The following CST3 variants were observed in gnomAD, a reference collection of about 807,000 sequenced individuals.
The protein encoded by CST3 is cystatin C.
Under a neutral mutation model 9.0 loss-of-function variants are expected in CST3, and 14 were observed. The observed-to-expected ratio is 1.56, with a 90% CI of 1.03 to 2.44. CST3 has a LOEUF of 2.44. Ranked by LOEUF, CST3 falls within the 30% of genes most tolerant of loss-of-function variation. The pLI is 0.00. For synonymous variants in CST3, 96 were observed against 90.2 expected, an observed-to-expected ratio of 1.06 and a Z score of -0.37; for missense variants, 237 against 204.3, an observed-to-expected ratio of 1.16 and a Z score of -0.98.
chr20:23,628,402 AT>A (rs1349758272), exon 4 of CST3: 1 of 152,162 alleles, frequency 6.6e-6, no homozygotes, highest in Non-Finnish European at 1.5e-5. Flanking sequence ...TTTTTCAGTC[AT>A]GGTGACATCT....
chr20:23,628,124 G>A (rs1302975459), exon 4 of CST3: 1 of 151,844 alleles, frequency 6.6e-6, no homozygotes, highest in Non-Finnish European at 1.5e-5. Context: ...TGGCCTATTT[G>A]AGGGTTTCCT....
downstream of CST3, among the ~76,000 whole-genome samples, chr20:23,632,769 A>T (rs1296083640): frequency 2.0e-5 from 3 of 152,192 alleles, no homozygotes; most frequent in Non-Finnish European, 4.4e-5. Context: ...CCCTGTCCTA[A>T]AATGGCAAAG....
At chr20:23,636,935 C>A (rs1156313347) in intron 1 of CST3, among the ~76,000 whole-genome samples, 1 of 152,152 alleles carries the variant, frequency 6.6e-6, no homozygotes, top group Non-Finnish European at 1.5e-5. Context: ...TGATTATGTG[C>A]GATATTGCCC....
downstream of CST3, among the ~76,000 whole-genome samples, chr20:23,631,641 C>T (rs114637929): frequency 3.4e-3 from 520 of 152,332 alleles, 3 homozygotes; most frequent in African/African-American, 0.012. Context: ...CCAGCCTGAC[C>T]GTCCTGGGGA....
At chr20:23,636,075 G>A (rs1269573130) in intron 1 of CST3, among the ~76,000 whole-genome samples, 1 of 152,096 alleles carries the variant, frequency 6.6e-6, no homozygotes, top group Non-Finnish European at 1.5e-5. Flanking sequence ...TGATCCCTCT[G>A]GTGTCAGTCT....
At chr20:23,634,590 G>C (rs1979587964) in intron 2 of CST3, among the ~76,000 whole-genome samples, 1 of 152,052 alleles carries the variant, frequency 6.6e-6, no homozygotes, top group Non-Finnish European at 1.5e-5. Context: ...CATGGCCGTG[G>C]CTGTGGGCAG....
intron 2 of CST3, 45 bp downstream of exon 2, chr20:23,635,209 C>T (rs1415383415): frequency 6.2e-6 from 9 of 1,462,680 alleles, no homozygotes; most frequent in Non-Finnish European, 3.8e-6. Context: ...CACACACACC[C>T]CTCTGCAGTG....
chr20:23,637,147 G>A (rs1274123223), intron 1 of CST3, among the ~76,000 whole-genome samples: 3 of 152,210 alleles, frequency 2.0e-5, no homozygotes, highest in Non-Finnish European at 4.4e-5. Context: ...CTATTTTGCA[G>A]CTGCTCTGTA....
At chr20:23,637,526 GC>G in intron 1 of CST3, 93 bp downstream of exon 1, 1 of 1,231,174 alleles carries the variant, frequency 8.1e-7, no homozygotes, top group South Asian at 1.8e-5. Context: ...AAGCCCAGGC[GC>G]CGGAGAGGAG....
chr20:23,636,904 C>T (rs1197878952), intron 1 of CST3, among the ~76,000 whole-genome samples: 1 of 152,202 alleles, frequency 6.6e-6, no homozygotes, highest in Non-Finnish European at 1.5e-5. Context: ...TGTGTCAGTG[C>T]TGATTTTCAA....
At chr20:23,630,838 A>T (rs1979427097), downstream of CST3, among the ~76,000 whole-genome samples, 1 of 152,202 alleles carries the variant, frequency 6.6e-6, no homozygotes, top group African/African-American at 2.4e-5. Flanking sequence ...ATCAGTAAAG[A>T]CTAGAGGTAC....
At chr20:23,636,721 AC>A (rs1194032008) in intron 1 of CST3, among the ~76,000 whole-genome samples, 1 of 152,120 alleles carries the variant, frequency 6.6e-6, no homozygotes, top group African/African-American at 2.4e-5. Context: ...CACCTGCTAG[AC>A]CCTGGGAAAT....
downstream of CST3, among the ~76,000 whole-genome samples, chr20:23,630,544 G>T (rs531435134): frequency 1.8e-4 from 27 of 152,306 alleles, no homozygotes; most frequent in African/African-American, 6.5e-4. Context: ...AGAGGAAGGG[G>T]TGACTAGCTG....
chr20:23,637,184 G>C (rs1979710067), intron 1 of CST3, among the ~76,000 whole-genome samples: 1 of 152,222 alleles, frequency 6.6e-6, no homozygotes, highest in South Asian at 2.1e-4. Context: ...AGAATAAAAA[G>C]TTAAAAGAAA....
Position 23,636,597 on chromosome 20 carries a change from C to A in CST3, c.243+1023G>T, listed in dbSNP as rs117928472. Among the ~76,000 whole-genome samples, 32 of 152,278 alleles carry A rather than the reference C, an allele frequency of 2.1e-4. No individual in the cohort carries two copies. In the East Asian group the frequency reaches 6.0e-3, roughly 29 times the overall value. On this transcript the variant is annotated intron_variant, in intron 1 of 2. Coordinates refer to ENST00000376925, the MANE Select transcript of CST3 (RefSeq NM_000099.4). The stretch of plus-strand genomic sequence containing the variant: ...AGCAGGGCTCTGCAGGACAAGGTGC[C>A]AGGCTCACGTGTGGCCCCTGCGGAG...
intron 1 of CST3, among the ~76,000 whole-genome samples, chr20:23,636,602 T>C (rs1979685874): frequency 6.6e-6 from 1 of 152,080 alleles, no homozygotes; most frequent in Non-Finnish European, 1.5e-5. Context: ...GGTGCCAGGC[T>C]CACGTGTGGC....
At chr20:23,635,950 A>G (rs1979656195) in intron 1 of CST3, among the ~76,000 whole-genome samples, 1 of 152,084 alleles carries the variant, frequency 6.6e-6, no homozygotes, top group South Asian at 2.1e-4. Flanking sequence ...GCCGCCCCAA[A>G]ACATGACTTG....
chr20:23,632,292 T>G (rs1329362028), downstream of CST3: 2 of 152,074 alleles, frequency 1.3e-5, no homozygotes, highest in African/African-American at 4.8e-5. Context: ...TGGATGGAGG[T>G]TGCCTGTGTC....
intron 1 of CST3, among the ~76,000 whole-genome samples, chr20:23,635,578 T>C (rs1217505241): frequency 6.6e-6 from 1 of 152,168 alleles, no homozygotes; most frequent in Non-Finnish European, 1.5e-5. Flanking sequence ...CGGTAACTTG[T>C]TTCTCTATGC....
Sources: gnomAD v4.1 joint callset for allele counts (sites outside exome capture counted in the v4.1 genomes callset) on GRCh38, gnomAD v4.1.1 for gene constraint, MANE v1.5 for transcripts, NCBI Gene and HGNC (gene_info 2026-07-23, HGNC 2026-07-21) for gene names.